Variants in KIF6 observed in about 807,000 individuals in gnomAD.
The protein encoded by KIF6 is kinesin family member 6.
Under a neutral mutation model 112.7 loss-of-function variants are expected in KIF6, and 106 were observed. The ratio of observed to expected loss-of-function variants is 0.94; its 90% confidence interval spans 0.80 to 1.11. KIF6 has a LOEUF of 1.11. KIF6 is among the 50% of genes least tolerant of loss of function. KIF6 has a pLI of 0.00. For missense variants in KIF6, 929 were observed against 964.0 expected, an observed-to-expected ratio of 0.96 and a Z score of 0.48; for synonymous variants, 339 against 339.9, an observed-to-expected ratio of 1.00 and a Z score of 0.03.
rs941322614 is a variant in KIF6, at chr6:39,651,539, A to C, written c.252-11782T>G. Among the ~76,000 whole-genome samples the C allele has an allele frequency of 3.3e-5, 5 of 152,276 alleles. No homozygotes were observed. The East Asian group carries it at 9.6e-4, about 29-fold the overall frequency. ...ACAATCTGACCTTTGAGTACTTCCA[A>C]AAGTGACACTGTACACTGACTGGAC... On this transcript the variant is annotated intron_variant, in intron 3 of 22. Transcript: ENST00000287152.
intron 7 of KIF6, among the ~76,000 whole-genome samples, chr6:39,591,867 C>A (rs901824085): frequency 6.6e-6 from 1 of 152,190 alleles, no homozygotes; most frequent in African/African-American, 2.4e-5. Flanking sequence ...AATCCCAGCA[C>A]TTTGGGAGGC....
At chr6:39,337,235 C>CTTTCTTTCTTTCTTT (rs1562103021) in intron 22 of KIF6, among the ~76,000 whole-genome samples, 3 of 76,348 alleles carry the variant, frequency 3.9e-5, no homozygotes, top group Admixed American at 3.0e-4. Flanking sequence ...TTCTTTCTTT[C>CTTTCTTTCTTTCTTT]TTTTTCTTTC....
Position 39,544,695 on chromosome 6 carries a change from T to C in KIF6, c.1288-2A>G. On this transcript the variant is annotated splice_acceptor_variant, in intron 11 of 22. Coordinates refer to ENST00000287152, the MANE Select transcript of KIF6 (RefSeq NM_145027.6). LOFTEE classifies it high-confidence loss of function. Reference sequence around the variant, plus strand: ...GATCTTCTTGTCATTCAATAGTTTCTGTAAGATAAAATAAGAGCTTAGTAC... The same window carrying C: ...GATCTTCTTGTCATTCAATAGTTTCCGTAAGATAAAATAAGAGCTTAGTAC... 6.3e-7 allele frequency: 1 copy of C among 1,580,426 alleles called. No homozygotes were observed. The highest frequency in any genetic ancestry group is 8.6e-7 in the Non-Finnish European group (1 of 1,165,416).
At chr6:39,605,513 C>T (rs1288369630) in intron 6 of KIF6, among the ~76,000 whole-genome samples, 1 of 152,006 alleles carries the variant, frequency 6.6e-6, no homozygotes, top group Non-Finnish European at 1.5e-5. Flanking sequence ...TTTTACTATC[C>T]TGTGTATAAA....
intron 16 of KIF6, among the ~76,000 whole-genome samples, chr6:39,383,938 A>G (rs1767189597): frequency 6.6e-6 from 1 of 152,064 alleles, no homozygotes; most frequent in Admixed American, 6.6e-5. Flanking sequence ...TGCATTCTTG[A>G]TTGTCAGCAT....
rs531693440 is a variant in KIF6, at chr6:39,431,034, C to T, written c.1754+19G>A. 18 of 1,522,124 alleles carry T rather than the reference C, an allele frequency of 1.2e-5. No individual in the cohort carries two copies. In the East Asian group the frequency reaches 2.7e-4, roughly 23 times the overall value. The allele number at this position is 1,522,124 out of a possible 1,614,324, so 94.3% of individuals were successfully genotyped here. ...TGGCTGAGCCTCGGAGGACCAGCTG[C>T]TCTCTGAGACAGCCTTACCTCTGTT... On this transcript the variant is annotated intron_variant, in intron 14 of 22. Coordinates refer to ENST00000287152, the MANE Select transcript of KIF6 (RefSeq NM_145027.6).
At chr6:39,493,485 T>A (rs532766262) in intron 13 of KIF6, among the ~76,000 whole-genome samples, 2 of 152,344 alleles carry the variant, frequency 1.3e-5, no homozygotes, top group South Asian at 2.1e-4. Context: ...TTTCCCTTTG[T>A]ACTCACTAGA....
intron 16 of KIF6, among the ~76,000 whole-genome samples, chr6:39,384,170 C>T (rs979314149): frequency 1.3e-5 from 2 of 152,174 alleles, no homozygotes; most frequent in Non-Finnish European, 2.9e-5. Flanking sequence ...GGACTTCCTA[C>T]GTTGCTATTC....
At chr6:39,613,679 T>G (rs1053810746) in intron 5 of KIF6, among the ~76,000 whole-genome samples, 2 of 152,220 alleles carry the variant, frequency 1.3e-5, no homozygotes, top group Non-Finnish European at 2.9e-5. Flanking sequence ...TGTGTCATGA[T>G]TCAGTTTCTT....
At chr6:39,593,376 T>C (rs530018926) in intron 7 of KIF6, among the ~76,000 whole-genome samples, 148 of 152,328 alleles carry the variant, frequency 9.7e-4, no homozygotes, top group African/African-American at 3.3e-3. Flanking sequence ...TTTGGTTTTC[T>C]CTTCTTTCTG....
intron 7 of KIF6, among the ~76,000 whole-genome samples, chr6:39,590,007 A>G (rs1410467900): frequency 6.6e-6 from 1 of 152,180 alleles, no homozygotes; most frequent in East Asian, 1.9e-4. Flanking sequence ...ATGTCCTAGG[A>G]AGGCAGTATG....
At chr6:39,491,479 A>G (rs1428416138) in intron 13 of KIF6, among the ~76,000 whole-genome samples, 1 of 152,150 alleles carries the variant, frequency 6.6e-6, no homozygotes, top group Non-Finnish European at 1.5e-5. Context: ...AGAGATAATA[A>G]TAGTAGTGTT....
At chr6:39,602,044 AAAG>A (rs1782605480) in intron 6 of KIF6, among the ~76,000 whole-genome samples, 1 of 152,120 alleles carries the variant, frequency 6.6e-6, no homozygotes, top group Non-Finnish European at 1.5e-5. Context: ...AGAGATAAAA[AAAG>A]AATTGATTTG....
chr6:39,385,971 C>G (rs1767382316), intron 15 of KIF6, among the ~76,000 whole-genome samples: 1 of 152,154 alleles, frequency 6.6e-6, no homozygotes, highest in East Asian at 1.9e-4. Context: ...GGCCCCTATT[C>G]TCTTAAATGG....
intron 15 of KIF6, among the ~76,000 whole-genome samples, chr6:39,393,357 G>A (rs1223459916): frequency 6.6e-6 from 1 of 152,220 alleles, no homozygotes; most frequent in East Asian, 1.9e-4. Flanking sequence ...GTGACTGAAT[G>A]TCAGTGTGCC....
chr6:39,430,079 A>C (rs752165353), intron 14 of KIF6, among the ~76,000 whole-genome samples: 5 of 152,054 alleles, frequency 3.3e-5, no homozygotes, highest in Non-Finnish European at 5.9e-5. Context: ...CACTACTGAC[A>C]GTCTGCTTCT....
intron 18 of KIF6, 110 bp downstream of exon 18, chr6:39,360,285 T>C (rs1057451600): frequency 1.1e-4 from 136 of 1,268,368 alleles, no homozygotes; most frequent in Non-Finnish European, 1.3e-4. Context: ...GAGCAGGGGC[T>C]GAGACCATGG....
At chr6:39,580,072 C>T (rs902502097) in intron 9 of KIF6, among the ~76,000 whole-genome samples, 29 of 152,140 alleles carry the variant, frequency 1.9e-4, no homozygotes, top group African/African-American at 6.7e-4. Context: ...GGAATTATTA[C>T]ATTTAGTTAA....
At position 39,431,143 on chromosome 6, in the gene KIF6, GA is replaced by G; in HGVS notation, c.1663del (p.Ser555HisfsTer2). ...HKKIGMREEMSLGCQEAFEIF... is the reference protein window; with the variant it reads ...HKKIGMREEMXLGCQEAFEIF... ...TTCAAAAGCCTCCTGGCATCCTAAT[GA>G]CATTTCCTCTCTCATTCCTGTTTGG... is the stretch of plus-strand genomic sequence containing the variant. On this transcript the variant is annotated frameshift_variant, in exon 14 of 23. Transcript: ENST00000287152. LOFTEE classifies it high-confidence loss of function. 6.2e-7 allele frequency: 1 copy of G among 1,607,632 alleles called. No homozygotes were observed. The highest frequency in any genetic ancestry group is 8.5e-7 in the Non-Finnish European group (1 of 1,174,188).
Sources: allele counts gnomAD v4.1 joint callset (sites outside exome capture counted in the v4.1 genomes callset), GRCh38; gene constraint gnomAD v4.1.1; transcripts MANE v1.5; gene names NCBI Gene and HGNC (gene_info 2026-07-23, HGNC 2026-07-21).